ATAD5: variants seen among roughly 807,000 people sequenced by gnomAD.
ATAD5 encodes ATPase family AAA domain-containing protein 5.
Under a neutral mutation model 176.9 loss-of-function variants are expected in ATAD5, and 58 were observed. That is an observed-to-expected ratio of 0.33 (90% CI 0.27 to 0.41). The LOEUF is 0.41. Among genes scored for constraint, ATAD5 ranks in the 10% least tolerant of loss-of-function variants. The pLI, the probability that ATAD5 is intolerant of heterozygous loss-of-function variation, is 1.00. For synonymous variants in ATAD5, 640 were observed against 712.6 expected, an observed-to-expected ratio of 0.90 and a Z score of 1.62; for missense variants, 1,789 against 2,094.1, an observed-to-expected ratio of 0.85 and a Z score of 2.84.
At position 30,835,929 on chromosome 17, in the gene ATAD5, T is replaced by C. The variant is rs1434177115; in HGVS notation, c.1848T>C (p.Asp616=). The stretch of plus-strand genomic sequence containing the variant: ...CCATTAGAGGTATTGATTCTGACGA[T>C]GTACAAGATAATAGTCAACTAAAGG... ...TETIRGIDSD[D]VQDNSQLKAS... The change falls in exon 2 of 23, where the codon GAT becomes GAC. Residue 616 remains aspartate, a synonymous_variant. Transcript: ENST00000321990. 8.1e-6 allele frequency: 13 copies of C among 1,614,016 alleles called. No homozygotes were observed. The Admixed American group carries it at 2.0e-4, about 25-fold the overall frequency.
chr17:30,835,530 GA>G lies in ATAD5; in HGVS notation c.1453del (p.Thr485HisfsTer2), dbSNP rs749703212. On this transcript the variant is annotated frameshift_variant, in exon 2 of 23. Coordinates refer to ENST00000321990, the MANE Select transcript of ATAD5 (RefSeq NM_024857.5). LOFTEE classifies it high-confidence loss of function. ...KNKKLKKKNK[K>X]TLDTGAIPGK... ...ATAAAAAGCTAAAGAAGAAGAATAA[GA>G]AAACATTAGATACTGGGGCTATTCC... 3.1e-6 allele frequency: 5 copies of G among 1,607,064 alleles called. No individual in the cohort carries two copies. The highest frequency in any genetic ancestry group is 4.2e-6 in the Non-Finnish European group (5 of 1,178,370).
At chr17:30,854,196 A>C (rs967207027) in intron 6 of ATAD5, among the ~76,000 whole-genome samples, 7 of 138,796 alleles carry the variant, frequency 5.0e-5, no homozygotes, top group African/African-American at 1.7e-4. Context: ...TAAAATCTAA[A>C]ACAAAATTTT....
chr17:30,894,452 T>A (rs1243254214), intron 21 of ATAD5, 112 bp from the exon 22 acceptor site: 30 of 1,056,420 alleles, frequency 2.8e-5, no homozygotes, highest in Non-Finnish European at 4.0e-6. Context: ...GAAATTAATC[T>A]GGAAATGTCA....
At chr17:30,851,774 G>A (rs1906986701) in intron 6 of ATAD5, among the ~76,000 whole-genome samples, 1 of 152,134 alleles carries the variant, frequency 6.6e-6, no homozygotes, top group Non-Finnish European at 1.5e-5. Flanking sequence ...GTAGAGACGG[G>A]GTTTTGCCGT....
chr17:30,884,652 C>T (rs1013602282), intron 18 of ATAD5, among the ~76,000 whole-genome samples: 1 of 151,094 alleles, frequency 6.6e-6, no homozygotes, highest in African/African-American at 2.4e-5. Context: ...TTGTCTCGAA[C>T]TCCTGACCTC....
chr17:30,834,694 T>C lies in ATAD5; in HGVS notation c.613T>C (p.Leu205=), dbSNP rs1042030653. ...QGTTKNDFKK[L]RKRKCRDVVD... ...GACCACAAAAAATGACTTCAAAAAG[T>C]TGAGAAAAAGGAAATGCAGAGATGT... The change falls in exon 2 of 23, where the codon TTG becomes CTG. Residue 205 remains leucine, a synonymous_variant. Coordinates refer to ENST00000321990, the MANE Select transcript of ATAD5 (RefSeq NM_024857.5). 1.2e-6 allele frequency: 2 copies of C among 1,609,424 alleles called. No homozygotes were observed. Among genetic ancestry groups the C allele is most frequent in the Non-Finnish European group, 1.7e-6 (2 of 1,178,914 alleles).
At chr17:30,846,976 C>T (rs1906547151) in intron 6 of ATAD5, among the ~76,000 whole-genome samples, 1 of 152,150 alleles carries the variant, frequency 6.6e-6, no homozygotes, top group South Asian at 2.1e-4. Context: ...CCCTCAGCCT[C>T]CCATAGTGCT....
At chr17:30,884,130 AATGGAATCATACTG>A (rs1909175943) in intron 18 of ATAD5, among the ~76,000 whole-genome samples, 1 of 151,692 alleles carries the variant, frequency 6.6e-6, no homozygotes, top group African/African-American at 2.4e-5. Context: ...GCTAGATATA[AATGGAATCATACTG>A]ATTTGGCTTG....
intron 19 of ATAD5, among the ~76,000 whole-genome samples, chr17:30,889,046 TGA>T (rs1909476676): frequency 7.1e-6 from 1 of 140,428 alleles, no homozygotes; most frequent in African/African-American, 2.7e-5. Context: ...GGCGACAGAG[TGA>T]GACTCTGTCT....
chr17:30,844,521 A>G (rs1159285665), intron 5 of ATAD5, among the ~76,000 whole-genome samples: 1 of 150,980 alleles, frequency 6.6e-6, no homozygotes, highest in Non-Finnish European at 1.5e-5. Flanking sequence ...TATTTTAGTA[A>G]GTAAAGTTAT....
Position 30,878,045 on chromosome 17 carries a change from A to G in ATAD5, c.3961A>G (p.Ile1321Val), listed in dbSNP as rs1298658154. 1 of 1,611,910 alleles carries G rather than the reference A, an allele frequency of 6.2e-7. No individual in the cohort carries two copies. The highest frequency in any genetic ancestry group is 8.5e-7 in the Non-Finnish European group (1 of 1,178,794). ...TGAAGATGCTGGGTTTTTGAATGCA[A>G]TCAAAACATTCATGGCAACAACTAA... The part of the protein sequence containing the change: ...FDEDAGFLNA[I>V]KTFMATTKRP... The change falls in exon 17 of 23, where the codon ATC becomes GTC. Residue 1321 changes from isoleucine (I) to valine (V), a missense_variant. Around this residue, in one of 6 missense-constraint regions of ATAD5, gnomAD observed 194 missense variants for 270.1 expected, o/e 0.72. Transcript: ENST00000321990.
chr17:30,834,440 CTCA>C lies in ATAD5; in HGVS notation c.363_365del (p.His121del), dbSNP rs775379351. On this transcript the variant is annotated inframe_deletion, in exon 2 of 23. Coordinates refer to ENST00000321990, the MANE Select transcript of ATAD5 (RefSeq NM_024857.5). Reference sequence around the variant, plus strand: ...AAGAAAAGAAAGAGGGTTAATTTATCTCATCAACTAAATAATATTAAAACTGAA... The same window carrying C: ...AAGAAAAGAAAGAGGGTTAATTTATCTCAACTAAATAATATTAAAACTGAA... 181 of 1,594,238 alleles carry C rather than the reference CTCA, an allele frequency of 1.1e-4. No homozygotes were observed. Among genetic ancestry groups the C allele is most frequent in the Non-Finnish European group, 1.5e-4 (172 of 1,171,918 alleles).
intron 6 of ATAD5, among the ~76,000 whole-genome samples, chr17:30,846,798 G>A (rs1261803851): frequency 2.0e-5 from 3 of 149,168 alleles, no homozygotes; most frequent in Non-Finnish European, 4.4e-5. Context: ...TCAGCTCACC[G>A]CAACCTCCAC....
At chr17:30,888,257 C>G (rs1909425802) in intron 19 of ATAD5, among the ~76,000 whole-genome samples, 2 of 152,046 alleles carry the variant, frequency 1.3e-5, no homozygotes, top group Non-Finnish European at 2.9e-5. Flanking sequence ...CAACTTTGTT[C>G]ATAAAACATT....
intron 11 of ATAD5, 113 bp downstream of exon 11, chr17:30,865,913 C>A: frequency 1.8e-6 from 1 of 558,912 alleles, no homozygotes; most frequent in Non-Finnish European, 2.9e-6. Context: ...CTTCAAAAAA[C>A]TGGTAGAAGT....
intron 20 of ATAD5, among the ~76,000 whole-genome samples, chr17:30,892,989 G>T (rs898520786): frequency 6.6e-6 from 1 of 152,116 alleles, no homozygotes; most frequent in Non-Finnish European, 1.5e-5. Context: ...ATAGGATTTA[G>T]AATAGCATTT....
At chr17:30,832,443 C>A in intron 1 of ATAD5, 30 bp downstream of exon 1, 1 of 1,506,274 alleles carries the variant, frequency 6.6e-7, no homozygotes. Flanking sequence ...CTGTTGAGTT[C>A]CTTCCTCTAT....
At chr17:30,889,059 C>CAA (rs58343790) in intron 19 of ATAD5, among the ~76,000 whole-genome samples, 3 of 82,278 alleles carry the variant, frequency 3.6e-5, no homozygotes, top group South Asian at 3.2e-4. Context: ...GACTCTGTCT[C>CAA]AAAAAAAAAA....
intron 18 of ATAD5, among the ~76,000 whole-genome samples, chr17:30,881,515 C>G (rs1035807146): frequency 6.6e-6 from 1 of 152,182 alleles, no homozygotes; most frequent in Non-Finnish European, 1.5e-5. Flanking sequence ...GTTGGCCAGG[C>G]TGGCTTTGAA....
Sources: allele counts gnomAD v4.1 joint callset (sites outside exome capture counted in the v4.1 genomes callset), GRCh38; gene constraint gnomAD v4.1.1; regional missense constraint gnomAD v4.1.1; transcripts MANE v1.5; gene names NCBI Gene and HGNC (gene_info 2026-07-23, HGNC 2026-07-21).